The following LSAMP variants were observed in gnomAD, a reference collection of about 807,000 sequenced individuals.
LSAMP encodes the protein limbic system associated membrane protein, also known as limbic system-associated membrane protein.
LSAMP carries 7 observed loss-of-function variants against 38.6 expected under a neutral mutation model. The observed-to-expected ratio is 0.18, with a 90% CI of 0.10 to 0.34. LSAMP has a LOEUF of 0.34. LSAMP is among the 10% of genes least tolerant of loss of function. The probability of loss-of-function intolerance (pLI) is 1.00; values close to 1 mark genes in which losing one functional copy is unlikely to be tolerated. For missense variants in LSAMP, 313 were observed against 420.0 expected, an observed-to-expected ratio of 0.75 and a Z score of 2.23; for synonymous variants, 154 against 166.8, an observed-to-expected ratio of 0.92 and a Z score of 0.59.
intron 2 of LSAMP, among the ~76,000 whole-genome samples, chr3:116,078,924 A>T (rs1707810902): frequency 6.6e-6 from 1 of 152,132 alleles, no homozygotes; most frequent in African/African-American, 2.4e-5. Context: ...GAAGATGCTA[A>T]GTATTAGGTA....
chr3:115,914,687 C>T (rs576804567), intron 3 of LSAMP, among the ~76,000 whole-genome samples: 1 of 152,296 alleles, frequency 6.6e-6, no homozygotes, highest in Admixed American at 6.5e-5. Flanking sequence ...GTTAGAAAAA[C>T]TGAAGAGATA....
chr3:116,156,665 C>A (rs1383275397), intron 1 of LSAMP, among the ~76,000 whole-genome samples: 2 of 151,994 alleles, frequency 1.3e-5, no homozygotes, highest in Non-Finnish European at 2.9e-5. Flanking sequence ...ACACAGAATG[C>A]TACATTTTAA....
intron 2 of LSAMP, among the ~76,000 whole-genome samples, chr3:116,043,860 G>A (rs945724451): frequency 2.6e-5 from 4 of 152,218 alleles, no homozygotes; most frequent in Admixed American, 1.3e-4. Flanking sequence ...GCAGGAGAAT[G>A]GCGTGAACCG....
At chr3:115,919,915 G>A (rs1025892311) in intron 3 of LSAMP, among the ~76,000 whole-genome samples, 1 of 152,142 alleles carries the variant, frequency 6.6e-6, no homozygotes, top group Non-Finnish European at 1.5e-5. Context: ...CCAGCCCTTT[G>A]ACTACTTTAG....
intron 1 of LSAMP, among the ~76,000 whole-genome samples, chr3:116,438,385 T>C (rs1183382775): frequency 6.6e-6 from 1 of 152,220 alleles, no homozygotes; most frequent in East Asian, 1.9e-4. Flanking sequence ...AAAATAGTTG[T>C]CAGTTATCTT....
intron 1 of LSAMP, among the ~76,000 whole-genome samples, chr3:116,162,227 AATT>A (rs1164680926): frequency 6.6e-6 from 1 of 152,070 alleles, no homozygotes; most frequent in Non-Finnish European, 1.5e-5. Flanking sequence ...GGTCTTAGAG[AATT>A]GTTTTTAGAA....
At chr3:116,171,245 G>A (rs1710191035) in intron 1 of LSAMP, among the ~76,000 whole-genome samples, 1 of 152,100 alleles carries the variant, frequency 6.6e-6, no homozygotes, top group African/African-American at 2.4e-5. Context: ...ACAAGCATTT[G>A]ATTTTTACAT....
chr3:116,338,534 T>C (rs1345092210), intron 1 of LSAMP, among the ~76,000 whole-genome samples: 1 of 152,044 alleles, frequency 6.6e-6, no homozygotes, highest in Non-Finnish European at 1.5e-5. Context: ...GCAGGTAAGC[T>C]AGAAGCATCT....
In LSAMP at chr3:116,434,184, C is replaced by T. The variant is rs557404083; in HGVS notation, c.155+10693G>A. Among the ~76,000 whole-genome samples the T allele has an allele frequency of 7.9e-4, 121 of 152,284 alleles. 1 individual carries two copies. The highest frequency in any genetic ancestry group is 2.7e-3 in the African/African-American group (113 of 41,558). Reference sequence around the variant, plus strand: ...CTTCACCAAAATATCTTCCTTCAGTCTGATCTTCTTCTAATGTGTTTCCTC... The same window carrying T: ...CTTCACCAAAATATCTTCCTTCAGTTTGATCTTCTTCTAATGTGTTTCCTC... On this transcript the variant is annotated intron_variant, in intron 1 of 6. Coordinates refer to ENST00000490035, the MANE Select transcript of LSAMP (RefSeq NM_002338.5).
chr3:115,910,806 G>A (rs757901564), intron 3 of LSAMP, among the ~76,000 whole-genome samples: 4 of 152,074 alleles, frequency 2.6e-5, no homozygotes, highest in Non-Finnish European at 5.9e-5. Flanking sequence ...GCAACTGTTG[G>A]CATAGACTCT....
At chr3:116,027,399 T>G (rs890977479) in intron 2 of LSAMP, among the ~76,000 whole-genome samples, 2 of 152,196 alleles carry the variant, frequency 1.3e-5, no homozygotes, top group Non-Finnish European at 2.9e-5. Flanking sequence ...ACGGGGCTTG[T>G]GTACTTGCTG....
At position 116,370,553 on chromosome 3, in the gene LSAMP, G is replaced by A. The variant is rs190107995; in HGVS notation, c.155+74324C>T. ...CACCCAACCCCCAGTGTCTTGGCAG[G>A]CAGTTGTACACATATTACCTAAGCA... is the stretch of plus-strand genomic sequence containing the variant. On this transcript the variant is annotated intron_variant, in intron 1 of 6. Transcript: ENST00000490035. Among the ~76,000 whole-genome samples, 926 of 152,236 alleles carry A rather than the reference G, an allele frequency of 6.1e-3. 4 individuals carry two copies. The highest frequency in any genetic ancestry group is 8.5e-3 in the Non-Finnish European group (577 of 68,016).
intron 2 of LSAMP, among the ~76,000 whole-genome samples, chr3:116,058,304 C>T (rs1007582725): frequency 6.6e-6 from 1 of 152,016 alleles, no homozygotes; most frequent in Non-Finnish European, 1.5e-5. Context: ...CTAGATGTTT[C>T]ATGTAACACC....
chr3:115,956,041 T>C (rs1216963449), intron 3 of LSAMP, among the ~76,000 whole-genome samples: 1 of 152,106 alleles, frequency 6.6e-6, no homozygotes, highest in Non-Finnish European at 1.5e-5. Flanking sequence ...GTTCAGAATG[T>C]GACTCAGTTC....
At chr3:116,006,316 C>T (rs2107667909) in intron 3 of LSAMP, among the ~76,000 whole-genome samples, 1 of 152,196 alleles carries the variant, frequency 6.6e-6, no homozygotes. Flanking sequence ...TGGTCATCGA[C>T]AAGCCAGAAA....
rs193165204 is a variant in LSAMP at position 116,308,818 on chromosome 3, G to A, written c.155+136059C>T. 9.9e-5 allele frequency among the ~76,000 whole-genome samples: 15 copies of A among 152,160 alleles called. No homozygotes were observed. In the East Asian group the frequency reaches 2.7e-3, roughly 27 times the overall value. ...ATAATATACTATTTCAAAGGGTTAA[G>A]TATCAAAGAATGCATGTGAGAGCAT... On this transcript the variant is annotated intron_variant, in intron 1 of 6. Transcript: ENST00000490035.
intron 3 of LSAMP, among the ~76,000 whole-genome samples, chr3:115,914,079 G>A (rs1032241172): frequency 2.6e-5 from 4 of 152,204 alleles, no homozygotes; most frequent in African/African-American, 4.8e-5. Context: ...TCATAGGACT[G>A]TGGCAGCTCC....
intron 3 of LSAMP, among the ~76,000 whole-genome samples, chr3:115,955,180 G>A (rs1431781036): frequency 1.3e-5 from 2 of 152,030 alleles, no homozygotes; most frequent in East Asian, 3.9e-4. Context: ...GTGATCCGCC[G>A]GCTTCGGCCT....
intron 6 of LSAMP, among the ~76,000 whole-genome samples, chr3:115,815,434 T>A (rs756017908): frequency 1.3e-5 from 2 of 152,160 alleles, no homozygotes; most frequent in Non-Finnish European, 2.9e-5. Flanking sequence ...ATGTGAGCTC[T>A]TCCTACATTT....
Sources: allele counts gnomAD v4.1 joint callset (sites outside exome capture counted in the v4.1 genomes callset), GRCh38; gene constraint gnomAD v4.1.1; transcripts MANE v1.5; gene names NCBI Gene and HGNC (gene_info 2026-07-23, HGNC 2026-07-21).